The following FMN2 variants were observed in gnomAD, a reference collection of about 807,000 sequenced individuals.
FMN2 encodes the protein formin 2.
A neutral mutation model predicts 142.3 loss-of-function variants in FMN2; 51 were observed. The observed-to-expected ratio is 0.36, with a 90% CI of 0.29 to 0.45. The LOEUF is 0.45. Among genes scored for constraint, FMN2 ranks in the 20% least tolerant of loss-of-function variants. The probability of loss-of-function intolerance (pLI) is 1.00; values close to 1 mark genes in which losing one functional copy is unlikely to be tolerated. For missense variants in FMN2, 1,936 were observed against 2,122.8 expected (o/e 0.91, Z 1.73); for synonymous variants, 882 against 869.8 (o/e 1.01, Z -0.25).
intron 7 of FMN2, among the ~76,000 whole-genome samples, chr1:240,270,652 T>C (rs1236169060): frequency 1.3e-5 from 2 of 151,940 alleles, no homozygotes; most frequent in Non-Finnish European, 2.9e-5. Flanking sequence ...CACAATGAAA[T>C]ACAATTAAAA....
chr1:240,346,562 A>G (rs571362466), intron 13 of FMN2, among the ~76,000 whole-genome samples: 2 of 152,306 alleles, frequency 1.3e-5, no homozygotes, highest in Admixed American at 6.5e-5. Context: ...AGGGACAGAG[A>G]GAAACACACT....
At chr1:240,320,923 T>A (rs1281443187) in intron 8 of FMN2, among the ~76,000 whole-genome samples, 1 of 152,178 alleles carries the variant, frequency 6.6e-6, no homozygotes, top group African/African-American at 2.4e-5. Flanking sequence ...GACACCAAAC[T>A]AAGTTGTTGC....
chr1:240,093,574 C>A lies in FMN2; in HGVS notation c.1465C>A (p.Leu489Ile). The A allele has an allele frequency of 6.8e-7, 1 of 1,461,054 alleles. No homozygotes were observed. Among genetic ancestry groups the A allele is most frequent in the Non-Finnish European group, 9.0e-7 (1 of 1,116,482 alleles). The allele number at this position is 1,461,054 out of a possible 1,614,324, so 90.5% of individuals were successfully genotyped here. Reference sequence around the variant, plus strand: ...CCGCTCGGCTGACTGGACGGAGGAGCTAGGCGCCCGCACGCCCCGGGTGGG... The same window carrying A: ...CCGCTCGGCTGACTGGACGGAGGAGATAGGCGCCCGCACGCCCCGGGTGGG... ...LSRSADWTEELGARTPRVGGS... is the reference protein window; with the variant it reads ...LSRSADWTEEIGARTPRVGGS... The change falls in exon 1 of 18, where the codon CTA becomes ATA. Residue 489 changes from leucine (L) to isoleucine (I), a missense_variant. Transcript: ENST00000319653.
chr1:240,209,247 C>T (rs748322575), intron 5 of FMN2, among the ~76,000 whole-genome samples: 2 of 83,582 alleles, frequency 2.4e-5, no homozygotes, highest in East Asian at 2.4e-4. Flanking sequence ...ATTCTTAAAT[C>T]CTTTTTTTTT....
chr1:240,334,778 A>C (rs1671505476), intron 13 of FMN2, among the ~76,000 whole-genome samples: 1 of 152,244 alleles, frequency 6.6e-6, no homozygotes, highest in African/African-American at 2.4e-5. Context: ...TTTACAAAAA[A>C]GCAAATAGTT....
chr1:240,429,872 T>C (rs1312359793), intron 15 of FMN2, among the ~76,000 whole-genome samples: 1 of 147,810 alleles, frequency 6.8e-6, no homozygotes, highest in Non-Finnish European at 1.5e-5. Flanking sequence ...CATTCCTTTT[T>C]TGTTTTTTTT....
intron 15 of FMN2, among the ~76,000 whole-genome samples, chr1:240,410,605 G>T (rs958556819): frequency 6.6e-6 from 1 of 152,120 alleles, no homozygotes; most frequent in African/African-American, 2.4e-5. Context: ...TTAACTAGAA[G>T]AAAATATTGA....
At position 240,206,894 on chromosome 1, in the gene FMN2, G is replaced by C; in HGVS notation, c.2082G>C (p.Glu694Asp). The C allele has an allele frequency of 6.2e-7, 1 of 1,614,152 alleles. No individual in the cohort carries two copies. The change falls in exon 5 of 18, where the codon GAG becomes GAC. Residue 694 changes from glutamate (E) to aspartate (D), a missense_variant. Around this residue, in one of 8 missense-constraint regions of FMN2, gnomAD observed 478 missense variants for 462.8 expected, o/e 1.03. Coordinates refer to ENST00000319653, the MANE Select transcript of FMN2 (RefSeq NM_020066.5). ...TGAGAACCAAAATAGCTGAACTAGAGAGGCAGTATCCTGCCCTGGACACAG... is the reference window on the plus strand; with the variant it reads ...TGAGAACCAAAATAGCTGAACTAGACAGGCAGTATCCTGCCCTGGACACAG... Reference protein sequence around the residue: ...EDLRTKIAELERQYPALDTEV... With the variant: ...EDLRTKIAELDRQYPALDTEV...
At chr1:240,462,558 G>C (rs2103231261) in intron 16 of FMN2, among the ~76,000 whole-genome samples, 1 of 152,294 alleles carries the variant, frequency 6.6e-6, no homozygotes, top group Middle Eastern at 3.4e-3. Flanking sequence ...TCTAAGCCTA[G>C]TTGTTTACCA....
At chr1:240,343,199 C>G (rs1337266349) in intron 13 of FMN2, among the ~76,000 whole-genome samples, 2 of 152,184 alleles carry the variant, frequency 1.3e-5, no homozygotes, top group African/African-American at 4.8e-5. Flanking sequence ...AAAAGCCTCC[C>G]AGCCAGTAAT....
intron 2 of FMN2, among the ~76,000 whole-genome samples, chr1:240,150,831 G>A (rs1663734596): frequency 6.6e-6 from 1 of 152,154 alleles, no homozygotes; most frequent in Non-Finnish European, 1.5e-5. Flanking sequence ...TGAAATGCCT[G>A]CTCTTAACTG....
intron 16 of FMN2, chr1:240,458,665 TA>T (rs1329944194): frequency 3.3e-5 from 5 of 152,156 alleles, no homozygotes; most frequent in Admixed American, 3.3e-4. Context: ...GTGGAAATAG[TA>T]AAAGGATGTT....
chr1:240,107,064 A>C (rs1187376936), intron 1 of FMN2, among the ~76,000 whole-genome samples: 1 of 151,616 alleles, frequency 6.6e-6, no homozygotes, highest in East Asian at 2.0e-4. Context: ...TTGAAACCTC[A>C]GATTTATATT....
At chr1:240,468,172 C>G (rs1040933414) in intron 16 of FMN2, among the ~76,000 whole-genome samples, 1 of 151,062 alleles carries the variant, frequency 6.6e-6, no homozygotes, top group African/African-American at 2.5e-5. Flanking sequence ...GGTAGTCCCC[C>G]TTTGTGTGAA....
At chr1:240,437,956 A>G (rs1558106801) in intron 15 of FMN2, 105 bp from the exon 16 acceptor site, 9 of 1,377,266 alleles carry the variant, frequency 6.5e-6, no homozygotes, top group African/African-American at 2.9e-5. Flanking sequence ...CCTCTTGGTA[A>G]TAATAATTGT....
chr1:240,201,619 G>C (rs1241524311), intron 4 of FMN2, among the ~76,000 whole-genome samples: 1 of 152,042 alleles, frequency 6.6e-6, no homozygotes, highest in Non-Finnish European at 1.5e-5. Flanking sequence ...TTAAAAATTA[G>C]CACTGAAAAT....
In FMN2 at chr1:240,330,709, G is replaced by A; in HGVS notation, c.4544G>A (p.Gly1515Glu). Residue 1515 changes from glycine (G) to glutamate (E), a missense_variant, in exon 11 of 18, where the codon GGA becomes GAA. By Grantham distance (98) the Gly-to-Glu change is moderately conservative. Coordinates refer to ENST00000319653, the MANE Select transcript of FMN2 (RefSeq NM_020066.5). ...NKTRGQADGF[G>E]LDILPKLKDV... ...ACTCGAGGACAGGCAGATGGCTTTGGATTAGACATTCTTCCAAAACTGAAA... is the reference window on the plus strand; with the variant it reads ...ACTCGAGGACAGGCAGATGGCTTTGAATTAGACATTCTTCCAAAACTGAAA... 3.7e-6 allele frequency: 6 copies of A among 1,613,980 alleles called. No homozygotes were observed. The highest frequency in any genetic ancestry group is 5.1e-6 in the Non-Finnish European group (6 of 1,179,912).
chr1:240,461,496 T>C (rs1170175235), intron 16 of FMN2, among the ~76,000 whole-genome samples: 1 of 152,184 alleles, frequency 6.6e-6, no homozygotes, highest in Non-Finnish European at 1.5e-5. Flanking sequence ...GGTGCTTACA[T>C]TGCATTACAT....
At chr1:240,189,397 G>A (rs1334573642) in intron 4 of FMN2, among the ~76,000 whole-genome samples, 1 of 152,142 alleles carries the variant, frequency 6.6e-6, no homozygotes, top group African/African-American at 2.4e-5. Flanking sequence ...TTTTACACCC[G>A]GATCTATTTC....
Sources: gnomAD v4.1 joint callset for allele counts (sites outside exome capture counted in the v4.1 genomes callset) on GRCh38, gnomAD v4.1.1 for gene constraint, gnomAD v4.1.1 regional missense constraint, MANE v1.5 for transcripts, NCBI Gene and HGNC (gene_info 2026-07-23, HGNC 2026-07-21) for gene names.